CCDC102B: variants seen among roughly 807,000 people sequenced by gnomAD.
CCDC102B encodes the protein coiled-coil domain-containing protein 102B.
In CCDC102B, 75 loss-of-function variants were observed where a neutral mutation model predicts 57.4. The ratio of observed to expected loss-of-function variants is 1.31; its 90% CI spans 1.08 to 1.58. CCDC102B has a LOEUF of 1.58. Among genes scored for constraint, CCDC102B ranks in the 40% most tolerant of loss-of-function variants. CCDC102B has a pLI of 0.00. For synonymous variants in CCDC102B, 206 were observed against 201.9 expected, an observed-to-expected ratio of 1.02 and a Z score of -0.17; for missense variants, 636 against 582.6, an observed-to-expected ratio of 1.09 and a Z score of -0.94.
chr18:69,040,348 A>G (rs1282867661), intron 7 of CCDC102B, among the ~76,000 whole-genome samples: 3 of 151,568 alleles, frequency 2.0e-5, no homozygotes, highest in Non-Finnish European at 4.4e-5. Context: ...GGCACATTAA[A>G]CAAATTATAT....
intron 4 of CCDC102B, among the ~76,000 whole-genome samples, chr18:68,851,994 A>G (rs1368047174): frequency 6.6e-6 from 1 of 152,164 alleles, no homozygotes; most frequent in Non-Finnish European, 1.5e-5. Flanking sequence ...GGGACATTCA[A>G]TTAAGACAAT....
chr18:68,940,972 C>A (rs1428486063), intron 6 of CCDC102B, among the ~76,000 whole-genome samples: 2 of 151,720 alleles, frequency 1.3e-5, no homozygotes, highest in Admixed American at 1.3e-4. Context: ...AGTCAGATGA[C>A]CTATTAAGAA....
At chr18:68,715,570 A>G (rs999672973) in intron 1 of CCDC102B, 1 of 152,308 alleles carries the variant, frequency 6.6e-6, no homozygotes, top group African/African-American at 2.4e-5. Flanking sequence ...GCATAATGGG[A>G]CATCTCTTAA....
At chr18:68,737,012 TAA>T (rs1384675384) in intron 2 of CCDC102B, among the ~76,000 whole-genome samples, 4 of 151,986 alleles carry the variant, frequency 2.6e-5, no homozygotes, top group African/African-American at 9.7e-5. Flanking sequence ...AAGAGTTGGT[TAA>T]GTCTTGAGCC....
intron 2 of CCDC102B, among the ~76,000 whole-genome samples, chr18:68,743,304 A>G (rs1191818254): frequency 6.6e-6 from 1 of 152,196 alleles, no homozygotes. Flanking sequence ...GCTACTCAGG[A>G]GACTGAGACA....
chr18:68,767,597 G>A (rs567261133), intron 2 of CCDC102B, among the ~76,000 whole-genome samples: 392 of 152,290 alleles, frequency 2.6e-3, no homozygotes, highest in African/African-American at 9.1e-3. Flanking sequence ...CTTCATACAT[G>A]ATACTAGAAC....
chr18:68,952,874 A>G (rs922410224), intron 6 of CCDC102B, among the ~76,000 whole-genome samples: 2 of 152,198 alleles, frequency 1.3e-5, no homozygotes, highest in African/African-American at 4.8e-5. Flanking sequence ...TGAATCAACA[A>G]TTCAGTACTA....
chr18:68,857,424 A>G (rs924775175), intron 4 of CCDC102B, among the ~76,000 whole-genome samples: 2 of 129,788 alleles, frequency 1.5e-5, no homozygotes, highest in Non-Finnish European at 3.1e-5. Context: ...ATTTATATAT[A>G]AACACAAATC....
At position 68,874,725 on chromosome 18, in the gene CCDC102B, A is replaced by T. The variant is rs749331952; in HGVS notation, c.993A>T (p.Ile331=). 7 of 1,612,400 alleles carry T rather than the reference A, an allele frequency of 4.3e-6. No individual in the cohort carries two copies. Among genetic ancestry groups the T allele is most frequent in the Non-Finnish European group, 5.1e-6 (6 of 1,178,872 alleles). The change falls in exon 5 of 8, where the codon ATA becomes ATT. Residue 331 remains isoleucine (I), a synonymous_variant. Coordinates refer to ENST00000360242, the MANE Select transcript of CCDC102B (RefSeq NM_024781.3). ...NDEMQELSGN[I]KEESKSQNSK... is the part of the protein sequence containing the mutation. Reference sequence around the variant, plus strand: ...AAATGCAAGAACTGTCAGGCAATATAAAGGAAGAATCCAAATCTCAAAACA... The same window carrying T: ...AAATGCAAGAACTGTCAGGCAATATTAAGGAAGAATCCAAATCTCAAAACA...
chr18:68,999,007 G>T (rs928051364), intron 6 of CCDC102B, among the ~76,000 whole-genome samples: 59 of 72,108 alleles, frequency 8.2e-4, no homozygotes, highest in East Asian at 4.0e-3. Flanking sequence ...TATAGAGAGA[G>T]AGAGAGAGAG....
At chr18:68,942,774 A>G (rs570036027) in intron 6 of CCDC102B, among the ~76,000 whole-genome samples, 5 of 151,722 alleles carry the variant, frequency 3.3e-5, no homozygotes, top group Non-Finnish European at 7.4e-5. Flanking sequence ...TCAACTGCAA[A>G]GAGGCCTTCC....
intron 1 of CCDC102B, among the ~76,000 whole-genome samples, chr18:68,830,276 A>G (rs535296562): frequency 1.3e-5 from 2 of 152,090 alleles, no homozygotes; most frequent in Admixed American, 1.3e-4. Flanking sequence ...GTGCAGTGTT[A>G]TTTCCCATAA....
chr18:68,958,533 A>G (rs1347171202), intron 6 of CCDC102B, among the ~76,000 whole-genome samples: 2 of 152,156 alleles, frequency 1.3e-5, no homozygotes, highest in Admixed American at 6.6e-5. Flanking sequence ...ATCAATCATC[A>G]TCAGAGATAT....
At chr18:68,846,469 T>C in intron 4 of CCDC102B, 48 bp downstream of exon 4, 1 of 1,247,590 alleles carries the variant, frequency 8.0e-7, no homozygotes, top group Non-Finnish European at 1.1e-6. Flanking sequence ...TAGCTTTTTC[T>C]TTCTTTGGAT....
chr18:69,027,776 A>G (rs1009984440), intron 7 of CCDC102B, among the ~76,000 whole-genome samples: 8 of 152,136 alleles, frequency 5.3e-5, no homozygotes, highest in Middle Eastern at 3.2e-3. Context: ...TGATATAGCT[A>G]TGAGTGATGT....
At chr18:69,049,128 T>C (rs533955078) in intron 7 of CCDC102B, among the ~76,000 whole-genome samples, 1 of 152,098 alleles carries the variant, frequency 6.6e-6, no homozygotes, top group African/African-American at 2.4e-5. Context: ...GCTATGGTGG[T>C]TTGCTGCACC....
At chr18:68,940,598 T>C (rs2049352324) in intron 6 of CCDC102B, among the ~76,000 whole-genome samples, 1 of 151,878 alleles carries the variant, frequency 6.6e-6, no homozygotes, top group Admixed American at 6.6e-5. Context: ...AGTGATCACA[T>C]TTCTCACTAC....
intron 2 of CCDC102B, among the ~76,000 whole-genome samples, chr18:68,761,746 TG>T (rs1440497647): frequency 2.0e-5 from 3 of 152,144 alleles, no homozygotes; most frequent in Non-Finnish European, 4.4e-5. Flanking sequence ...CCCTTATAGC[TG>T]GGTTTAGTTT....
chr18:69,025,975 G>A (rs1263349011), intron 7 of CCDC102B, among the ~76,000 whole-genome samples: 1 of 152,124 alleles, frequency 6.6e-6, no homozygotes, highest in Non-Finnish European at 1.5e-5. Flanking sequence ...ATGTGAGTGT[G>A]CTAAGCGTGA....
Sources: gnomAD v4.1 joint callset for allele counts (sites outside exome capture counted in the v4.1 genomes callset) on GRCh38, gnomAD v4.1.1 for gene constraint, MANE v1.5 for transcripts, NCBI Gene and HGNC (gene_info 2026-07-23, HGNC 2026-07-21) for gene names.